PLAC1: variants seen among roughly 807,000 people sequenced by gnomAD.
The protein encoded by PLAC1 is placenta associated 1.
For missense variants in PLAC1, 136 were observed against 163.2 expected, an observed-to-expected ratio of 0.83 and a Z score of 0.91; for synonymous variants, 68 against 62.1, an observed-to-expected ratio of 1.09 and a Z score of -0.44.
intron 2 of PLAC1, among the ~76,000 whole-genome samples, chrX:134,709,632 G>T: frequency 9.0e-6 from 1 of 110,969 alleles, no homozygotes. Context: ...ATATAGTATT[G>T]GCAGATGGAT....
upstream of PLAC1, among the ~76,000 whole-genome samples, chrX:134,661,371 G>A (rs774236677): frequency 5.7e-4 from 64 of 111,982 alleles, no homozygotes; most frequent in African/African-American, 1.9e-3. Flanking sequence ...GTTGGTAGAT[G>A]CTCAAATAGC....
chrX:134,570,905 T>C (rs1273386031), intron 2 of PLAC1, among the ~76,000 whole-genome samples: 2 of 112,645 alleles, frequency 1.8e-5, no homozygotes, highest in African/African-American at 6.4e-5. Context: ...TAAAAAATCA[T>C]AAAACATTTC....
upstream of PLAC1, among the ~76,000 whole-genome samples, chrX:134,662,759 A>G (rs1414131446): frequency 9.0e-6 from 1 of 111,391 alleles, no homozygotes; most frequent in East Asian, 2.8e-4. Flanking sequence ...ATAAAACCTC[A>G]TCTCTACAAA....
At chrX:134,662,801 C>T (rs181730470), upstream of PLAC1, among the ~76,000 whole-genome samples, 10 of 111,233 alleles carry the variant, frequency 9.0e-5, no homozygotes, top group Admixed American at 5.7e-4. Context: ...TAGTGGTGCA[C>T]GACTGTAGTC....
At chrX:134,576,535 C>CA (rs33954763) in intron 2 of PLAC1, among the ~76,000 whole-genome samples, 3,706 of 60,145 alleles carry the variant, frequency 0.062, 171 homozygotes, top group African/African-American at 0.17. Context: ...GACTCTGTCT[C>CA]AAAAAAAAAA....
intron 2 of PLAC1, among the ~76,000 whole-genome samples, chrX:134,682,800 C>T (rs1056170643): frequency 2.2e-4 from 24 of 111,167 alleles, no homozygotes; most frequent in African/African-American, 3.6e-4. Flanking sequence ...AGGTGATCTG[C>T]CCCCCTCGGC....
At chrX:134,577,968 A>C (rs886846408) in intron 2 of PLAC1, among the ~76,000 whole-genome samples, 6 of 110,647 alleles carry the variant, frequency 5.4e-5, no homozygotes, top group Non-Finnish European at 9.4e-5. Context: ...AACATTTTCT[A>C]ACAGGGACTT....
At chrX:134,745,952 G>A (rs2078728116) in intron 1 of PLAC1, among the ~76,000 whole-genome samples, 1 of 111,836 alleles carries the variant, frequency 8.9e-6, no homozygotes, top group African/African-American at 3.3e-5. Context: ...GCAAGGTGCT[G>A]GGTTAGAAAA....
At chrX:134,670,933 T>C (rs1309977557) in intron 2 of PLAC1, among the ~76,000 whole-genome samples, 2 of 112,379 alleles carry the variant, frequency 1.8e-5, no homozygotes, top group Non-Finnish European at 3.8e-5. Flanking sequence ...AAGGCTGTTA[T>C]CTGTAACATG....
At chrX:134,661,026 A>C (rs1396468361), upstream of PLAC1, among the ~76,000 whole-genome samples, 1 of 110,927 alleles carries the variant, frequency 9.0e-6, no homozygotes, top group Non-Finnish European at 1.9e-5. Context: ...TTAAATTTTA[A>C]TACCAAAGAG....
chrX:134,617,423 G>C (rs1471814137), intron 1 of PLAC1, among the ~76,000 whole-genome samples: 1 of 112,088 alleles, frequency 8.9e-6, no homozygotes, highest in Non-Finnish European at 1.9e-5. Flanking sequence ...AGGAGGAAAA[G>C]CTTCCAGTTT....
chrX:134,753,489 C>T (rs967764435), intron 1 of PLAC1, among the ~76,000 whole-genome samples: 19 of 110,231 alleles, frequency 1.7e-4, no homozygotes, highest in African/African-American at 3.3e-4. Context: ...CCTAATGTAT[C>T]GCTCAGACCT....
At chrX:134,601,934 A>G (rs1466428311) in intron 2 of PLAC1, 117 bp downstream of exon 2, 1 of 112,625 alleles carries the variant, frequency 8.9e-6, no homozygotes. Context: ...CTTTAAAAAA[A>G]TCAACAATCA....
At chrX:134,707,140 A>G (rs1398115935) in intron 2 of PLAC1, among the ~76,000 whole-genome samples, 1 of 111,804 alleles carries the variant, frequency 8.9e-6, no homozygotes, top group Non-Finnish European at 1.9e-5. Flanking sequence ...TTCTCATCAA[A>G]ATCTGTGGAG....
At chrX:134,588,099 A>G (rs975435460) in intron 2 of PLAC1, among the ~76,000 whole-genome samples, 7 of 111,259 alleles carry the variant, frequency 6.3e-5, no homozygotes, top group African/African-American at 2.3e-4. Flanking sequence ...AAGAAGGTTT[A>G]TATACAAAGA....
intron 2 of PLAC1, among the ~76,000 whole-genome samples, chrX:134,567,440 A>G (rs1478179075): frequency 8.9e-6 from 1 of 111,743 alleles, no homozygotes; most frequent in Non-Finnish European, 1.9e-5. Flanking sequence ...TTCAATGCAT[A>G]TTACACATGA....
chrX:134,706,685 T>C (rs764067104), intron 2 of PLAC1, among the ~76,000 whole-genome samples: 1 of 110,822 alleles, frequency 9.0e-6, no homozygotes, highest in South Asian at 3.8e-4. Context: ...TAAATGCACT[T>C]GAAACAAAGG....
intron 2 of PLAC1, among the ~76,000 whole-genome samples, chrX:134,585,277 G>A (rs1047224232): frequency 1.8e-5 from 2 of 109,410 alleles, no homozygotes; most frequent in Admixed American, 9.8e-5. Flanking sequence ...ACCCCAGGAG[G>A]TGGAGGTTGC....
At chrX:134,638,230 A>C (rs1426814059) in intron 1 of PLAC1, among the ~76,000 whole-genome samples, 2 of 112,464 alleles carry the variant, frequency 1.8e-5, no homozygotes, top group African/African-American at 6.5e-5. Context: ...CTTCTACTTC[A>C]AAATTCATTG....
Sources: gnomAD v4.1 joint callset for allele counts (sites outside exome capture counted in the v4.1 genomes callset) on GRCh38, gnomAD v4.1.1 for gene constraint, MANE v1.5 for transcripts, NCBI Gene and HGNC (gene_info 2026-07-23, HGNC 2026-07-21) for gene names.